Variants in NIBAN1 observed in about 807,000 individuals in gnomAD.
NIBAN1 encodes the protein niban apoptosis regulator 1.
Under a neutral mutation model 75.1 loss-of-function variants are expected in NIBAN1, and 81 were observed. That is an observed-to-expected ratio of 1.08 (90% confidence interval 0.90 to 1.30). The LOEUF (loss-of-function observed/expected upper bound fraction) is 1.30, where lower values mean the gene tolerates loss of function less well. Ranked by LOEUF, NIBAN1 falls within the 50% of genes most tolerant of loss-of-function variation. The pLI is 0.00. For synonymous variants in NIBAN1, 436 were observed against 424.8 expected, an observed-to-expected ratio of 1.03 and a Z score of -0.32; for missense variants, 1,133 against 1,128.1, an observed-to-expected ratio of 1.00 and a Z score of -0.06.
At chr1:184,822,250 G>C (rs1303464694) in intron 8 of NIBAN1, among the ~76,000 whole-genome samples, 1 of 152,190 alleles carries the variant, frequency 6.6e-6, no homozygotes, top group Non-Finnish European at 1.5e-5. Flanking sequence ...TTGGGTTGTA[G>C]AGGCCCCAGA....
intron 1 of NIBAN1, among the ~76,000 whole-genome samples, chr1:184,902,928 A>T (rs1176172158): frequency 6.6e-6 from 1 of 152,238 alleles, no homozygotes; most frequent in Non-Finnish European, 1.5e-5. Flanking sequence ...ACAGTGCCTG[A>T]CACATATTAG....
chr1:184,944,892 TAAGGA>T (rs1286877601), intron 1 of NIBAN1, among the ~76,000 whole-genome samples: 1 of 152,138 alleles, frequency 6.6e-6, no homozygotes, highest in East Asian at 1.9e-4. Context: ...GAAATATCTG[TAAGGA>T]AAGGAGGTAA....
At chr1:184,820,584 TC>T (rs1654668617) in intron 8 of NIBAN1, among the ~76,000 whole-genome samples, 2 of 152,254 alleles carry the variant, frequency 1.3e-5, no homozygotes, top group Non-Finnish European at 2.9e-5. Flanking sequence ...CATGTCCCAT[TC>T]GTGTATGCAC....
At chr1:184,874,640 A>G (rs1656189130) in intron 5 of NIBAN1, among the ~76,000 whole-genome samples, 1 of 151,812 alleles carries the variant, frequency 6.6e-6, no homozygotes, top group Non-Finnish European at 1.5e-5. Context: ...GTATATATAC[A>G]TATATAACTC....
At position 184,818,690 on chromosome 1, in the gene NIBAN1, T is replaced by C. The variant is rs780486551; in HGVS notation, c.1121A>G (p.Asn374Ser). ...GGTCTGGAAGTTCTGGCTGACTTCA[T>C]TCACCTCTTTCTCAAAGAGTACACG... ...EVRVLFEKEV[N>S]EVSQNFQTTK... The change falls in exon 9 of 14, where the codon AAT (asparagine) becomes AGT (serine). Residue 374 changes from asparagine to serine, a missense_variant. Asn to Ser is a conservative substitution (Grantham distance 46). Coordinates refer to ENST00000367511, the MANE Select transcript of NIBAN1 (RefSeq NM_052966.4). The C allele has an allele frequency of 3.7e-6, 6 of 1,612,438 alleles. No homozygotes were observed. The highest frequency in any genetic ancestry group is 1.1e-5 in the South Asian group (1 of 90,920).
chr1:184,942,478 G>T (rs574591976), intron 1 of NIBAN1, among the ~76,000 whole-genome samples: 1 of 152,298 alleles, frequency 6.6e-6, no homozygotes, highest in East Asian at 1.9e-4. Flanking sequence ...CGGATCACGA[G>T]GTCAGGAGAT....
intron 2 of NIBAN1, among the ~76,000 whole-genome samples, chr1:184,894,639 C>T (rs959716569): frequency 7.2e-5 from 11 of 152,140 alleles, no homozygotes; most frequent in African/African-American, 1.2e-4. Flanking sequence ...ATTAACAGAC[C>T]GTTCCCCTAT....
intron 1 of NIBAN1, among the ~76,000 whole-genome samples, chr1:184,933,294 T>C (rs1251125390): frequency 6.6e-6 from 1 of 152,174 alleles, no homozygotes; most frequent in Non-Finnish European, 1.5e-5. Flanking sequence ...TCCACTACAG[T>C]CTATTTATAA....
intron 7 of NIBAN1, 46 bp downstream of exon 7, chr1:184,823,592 G>C (rs747820942): frequency 1.3e-6 from 2 of 1,580,260 alleles, no homozygotes; most frequent in Non-Finnish European, 1.7e-6. Context: ...GGAAGAGAAT[G>C]TTCCCATTTT....
chr1:184,974,176 G>T, intron 1 of NIBAN1, 126 bp downstream of exon 1: 2 of 996,784 alleles, frequency 2.0e-6, no homozygotes, highest in African/African-American at 1.7e-5. Context: ...CGGGCGGGCT[G>T]CGGTCGGGGA....
chr1:184,866,313 C>G (rs552014897), intron 5 of NIBAN1, among the ~76,000 whole-genome samples: 1 of 152,124 alleles, frequency 6.6e-6, no homozygotes, highest in South Asian at 2.1e-4. Flanking sequence ...GAAAGGTGTT[C>G]TGGTGGAAAT....
At chr1:184,919,928 G>T (rs1307526219) in intron 1 of NIBAN1, among the ~76,000 whole-genome samples, 1 of 151,870 alleles carries the variant, frequency 6.6e-6, no homozygotes, top group Non-Finnish European at 1.5e-5. Flanking sequence ...TGGGGGAGGG[G>T]GAGGTGTTGG....
chr1:184,945,642 A>G (rs960791349), intron 1 of NIBAN1, among the ~76,000 whole-genome samples: 1 of 151,846 alleles, frequency 6.6e-6, no homozygotes, highest in Non-Finnish European at 1.5e-5. Context: ...GATTCAAGAT[A>G]TGTGTATCTT....
chr1:184,922,545 T>G (rs1183452320), intron 1 of NIBAN1, among the ~76,000 whole-genome samples: 1 of 152,204 alleles, frequency 6.6e-6, no homozygotes, highest in African/African-American at 2.4e-5. Context: ...TTTGGTTGTC[T>G]TCTTTTGAGA....
intron 1 of NIBAN1, among the ~76,000 whole-genome samples, chr1:184,917,663 T>C (rs1007830871): frequency 6.6e-6 from 1 of 152,108 alleles, no homozygotes; most frequent in African/African-American, 2.4e-5. Context: ...CATCTCATCA[T>C]CTACTATACT....
intron 6 of NIBAN1, among the ~76,000 whole-genome samples, chr1:184,829,728 A>T (rs1336424385): frequency 6.6e-6 from 1 of 152,124 alleles, no homozygotes; most frequent in Non-Finnish European, 1.5e-5. Context: ...GGCCTCCCAA[A>T]GTGCTAAGAT....
intron 5 of NIBAN1, among the ~76,000 whole-genome samples, chr1:184,832,420 A>G (rs1655024105): frequency 6.6e-6 from 1 of 152,226 alleles, no homozygotes; most frequent in Non-Finnish European, 1.5e-5. Flanking sequence ...TCAACACAAC[A>G]TGCCAATTTA....
intron 8 of NIBAN1, among the ~76,000 whole-genome samples, chr1:184,819,261 C>T (rs1336833610): frequency 6.6e-6 from 1 of 152,038 alleles, no homozygotes; most frequent in African/African-American, 2.4e-5. Context: ...CTCCTCTCCC[C>T]ACCAAAATAC....
At chr1:184,872,244 A>T (rs1056402020) in intron 5 of NIBAN1, among the ~76,000 whole-genome samples, 23 of 152,138 alleles carry the variant, frequency 1.5e-4, no homozygotes, top group African/African-American at 5.6e-4. Context: ...AAGAACGAAA[A>T]TAATTAATAG....
Sources: gnomAD v4.1 joint callset for allele counts (sites outside exome capture counted in the v4.1 genomes callset) on GRCh38, gnomAD v4.1.1 for gene constraint, MANE v1.5 for transcripts, NCBI Gene and HGNC (gene_info 2026-07-23, HGNC 2026-07-21) for gene names.